BRINP2: variants seen among roughly 807,000 people sequenced by gnomAD.
The protein encoded by BRINP2 is BMP/retinoic acid inducible neural specific 2, also known as BMP/retinoic acid-inducible neural-specific protein 2.
BRINP2 carries 21 observed loss-of-function variants against 69.2 expected under a neutral mutation model. That is an observed-to-expected ratio of 0.30 (90% CI 0.22 to 0.44). BRINP2 has a LOEUF of 0.44. Among genes scored for constraint, BRINP2 ranks in the 20% least tolerant of loss-of-function variants. The pLI is 1.00. For missense variants in BRINP2, 877 were observed against 986.0 expected, an observed-to-expected ratio of 0.89 and a Z score of 1.48; for synonymous variants, 380 against 394.1, an observed-to-expected ratio of 0.96 and a Z score of 0.42.
At chr1:177,267,491 C>T (rs1651165713) in intron 4 of BRINP2, among the ~76,000 whole-genome samples, 1 of 152,152 alleles carries the variant, frequency 6.6e-6, no homozygotes, top group Non-Finnish European at 1.5e-5. Flanking sequence ...TTGGTCAATG[C>T]CACCATGGCA....
Position 177,281,131 on chromosome 1 carries a change from C to G in BRINP2, c.1955C>G (p.Ser652Cys), listed in dbSNP as rs372116341. The G allele has an allele frequency of 7.8e-5, 126 of 1,614,078 alleles. No individual in the cohort carries two copies. The highest frequency in any genetic ancestry group is 1.6e-4 in the Middle Eastern group (1 of 6,084). Residue 652 changes from serine (S) to cysteine (C), a missense_variant, in exon 8 of 8, where the codon TCC becomes TGC. This residue lies in a region of BRINP2 where 225 missense variants were observed against 218.7 expected (regional missense o/e 1.03). Coordinates refer to ENST00000361539, the MANE Select transcript of BRINP2 (RefSeq NM_021165.4). ...GTTTACCTACGGAGCCGAATCAAGTCCCTGGATGACAGCTCCAATGAGACA... is the reference window on the plus strand; with the variant it reads ...GTTTACCTACGGAGCCGAATCAAGTGCCTGGATGACAGCTCCAATGAGACA... ...VHVYLRSRIK[S>C]LDDSSNETIY...
chr1:177,280,664 C>T lies in BRINP2; in HGVS notation c.1488C>T (p.Ala496=), dbSNP rs1335101216. The change falls in exon 8 of 8, where the codon GCC becomes GCT. Residue 496 remains alanine (A), a synonymous_variant. Transcript: ENST00000361539. ...AGGGGCTGTGCCGGCCAGAGGTGGC[C>T]GAGTCCCTGGAAAACTTTCTTGGGC... ...LAQGLCRPEV[A]ESLENFLGLE... is the part of the protein sequence containing the mutation. 9.3e-6 allele frequency: 15 copies of T among 1,614,068 alleles called. No homozygotes were observed. Among genetic ancestry groups the T allele is most frequent in the South Asian group, 3.3e-5 (3 of 91,070 alleles).
chr1:177,185,537 T>A (rs1019307239), intron 1 of BRINP2, among the ~76,000 whole-genome samples: 2 of 152,228 alleles, frequency 1.3e-5, no homozygotes, highest in Non-Finnish European at 2.9e-5. Context: ...TGGGATATCT[T>A]ACAGCCTGGA....
At chr1:177,205,329 CAG>C (rs1649041961) in intron 1 of BRINP2, among the ~76,000 whole-genome samples, 1 of 152,110 alleles carries the variant, frequency 6.6e-6, no homozygotes, top group South Asian at 2.1e-4. Flanking sequence ...TTAGTAGAGA[CAG>C]AGTTTCGCCA....
intron 4 of BRINP2, among the ~76,000 whole-genome samples, chr1:177,263,507 T>C (rs1651024291): frequency 6.6e-6 from 1 of 152,110 alleles, no homozygotes; most frequent in South Asian, 2.1e-4. Flanking sequence ...GGAAATGAGA[T>C]GGCCACTGCT....
chr1:177,278,788 GAGCACCCCCTGGCTGCTAC>G lies in BRINP2; in HGVS notation c.1235+7_1235+25del, dbSNP rs1651594087. 6.2e-7 allele frequency: 1 copy of G among 1,613,672 alleles called. No homozygotes were observed. The stretch of plus-strand genomic sequence containing the variant: ...CGCTTCCGCCTGCCCAAGGAGAGGT[GAGCACCCCCTGGCTGCTAC>G]AGCCAGAGCTCAGCACCTCCCCTGA... On this transcript the variant is annotated splice_donor_5th_base_variant and intron_variant, in intron 7 of 7. Coordinates refer to ENST00000361539, the MANE Select transcript of BRINP2 (RefSeq NM_021165.4).
rs1031086708 is a variant in BRINP2, at chr1:177,176,397, A to G, written c.-77+4665A>G. 2.6e-5 allele frequency among the ~76,000 whole-genome samples: 4 copies of G among 152,188 alleles called. No individual in the cohort carries two copies. The South Asian group carries it at 8.3e-4, about 31-fold the overall frequency. On this transcript the variant is annotated intron_variant, in intron 1 of 7. Coordinates refer to ENST00000361539, the MANE Select transcript of BRINP2 (RefSeq NM_021165.4). ...TTTTAATCTTCATTACATGTTAAAAAGATAATATTCTGAATACATTGAGTT... is the reference window on the plus strand; with the variant it reads ...TTTTAATCTTCATTACATGTTAAAAGGATAATATTCTGAATACATTGAGTT...
Position 177,219,846 on chromosome 1 carries a change from C to G in BRINP2, c.-76-9955C>G, listed in dbSNP as rs74969740. 4.4e-3 allele frequency among the ~76,000 whole-genome samples: 676 copies of G among 152,272 alleles called. 6 individuals are homozygous for G. The highest frequency in any genetic ancestry group is 0.015 in the African/African-American group (610 of 41,558). On this transcript the variant is annotated intron_variant, in intron 1 of 7. Coordinates refer to ENST00000361539, the MANE Select transcript of BRINP2 (RefSeq NM_021165.4). ...TTGGCTTGGGTTTATTTTGGCTTCC[C>G]GGGCCTTAAACCACCCTATGTATAT...
intron 1 of BRINP2, among the ~76,000 whole-genome samples, chr1:177,229,533 A>T (rs1649798748): frequency 6.6e-6 from 1 of 152,240 alleles, no homozygotes; most frequent in African/African-American, 2.4e-5. Flanking sequence ...ACCACTTAAT[A>T]GCTGTGTGAA....
intron 4 of BRINP2, among the ~76,000 whole-genome samples, chr1:177,260,008 A>G (rs528183838): frequency 6.6e-6 from 1 of 152,318 alleles, no homozygotes; most frequent in African/African-American, 2.4e-5. Flanking sequence ...AAAGGCTGCC[A>G]TAGATAGTGA....
intron 2 of BRINP2, among the ~76,000 whole-genome samples, chr1:177,230,510 T>G (rs1404444278): frequency 6.6e-6 from 1 of 152,196 alleles, no homozygotes; most frequent in Non-Finnish European, 1.5e-5. Context: ...TTTTAACTAA[T>G]GGGTTAGTTA....
chr1:177,258,806 G>A (rs1255018664), intron 4 of BRINP2, among the ~76,000 whole-genome samples: 3 of 152,178 alleles, frequency 2.0e-5, no homozygotes, highest in African/African-American at 7.2e-5. Flanking sequence ...GCACCCATAT[G>A]TGATAACAAA....
At chr1:177,219,150 G>A (rs1350470505) in intron 1 of BRINP2, among the ~76,000 whole-genome samples, 1 of 152,216 alleles carries the variant, frequency 6.6e-6, no homozygotes, top group Admixed American at 6.5e-5. Context: ...TAGAAATGAT[G>A]CTTTGTGGTC....
At position 177,230,366 on chromosome 1, in the gene BRINP2, C is replaced by A. The variant is rs568898308; in HGVS notation, c.269+221C>A. On this transcript the variant is annotated intron_variant, in intron 2 of 7. Coordinates refer to ENST00000361539, the MANE Select transcript of BRINP2 (RefSeq NM_021165.4). Reference sequence around the variant, plus strand: ...CACAAGCTGGAAAACCTGCTGATACCTCCTGGGGAACTTAGCAAAAGGGTT... The same window carrying A: ...CACAAGCTGGAAAACCTGCTGATACATCCTGGGGAACTTAGCAAAAGGGTT... Among the ~76,000 whole-genome samples the A allele has an allele frequency of 2.6e-5, 4 of 152,298 alleles. No homozygotes were observed. In the South Asian group the frequency reaches 6.2e-4, roughly 24 times the overall value.
chr1:177,182,315 T>TGACTAATACCTTAA (rs879809505), intron 1 of BRINP2, among the ~76,000 whole-genome samples: 8 of 152,098 alleles, frequency 5.3e-5, no homozygotes, highest in Admixed American at 5.2e-4. Context: ...TGTTAAGGTA[T>TGACTAATACCTTAA]TAATGACTAA....
intron 2 of BRINP2, among the ~76,000 whole-genome samples, chr1:177,230,643 C>T (rs886471267): frequency 1.3e-5 from 2 of 152,246 alleles, no homozygotes; most frequent in African/African-American, 4.8e-5. Flanking sequence ...TGTCAACACC[C>T]CAGGCTCCGC....
intron 1 of BRINP2, among the ~76,000 whole-genome samples, chr1:177,183,079 AG>A (rs1224692943): frequency 1.4e-5 from 2 of 143,552 alleles, no homozygotes; most frequent in African/African-American, 2.6e-5. Flanking sequence ...CCAGCCTCCT[AG>A]GCATGGTTGG....
intron 4 of BRINP2, among the ~76,000 whole-genome samples, chr1:177,257,808 C>G (rs1650818793): frequency 6.6e-6 from 1 of 152,194 alleles, no homozygotes. Context: ...AGACTTTGAG[C>G]TCTGAATGAT....
chr1:177,195,098 T>C (rs1204199298), intron 1 of BRINP2, among the ~76,000 whole-genome samples: 1 of 152,176 alleles, frequency 6.6e-6, no homozygotes, highest in Admixed American at 6.5e-5. Flanking sequence ...CCAGAGTTTT[T>C]TCTAAACAAA....
Sources: gnomAD v4.1 joint callset for allele counts (sites outside exome capture counted in the v4.1 genomes callset) on GRCh38, gnomAD v4.1.1 for gene constraint, gnomAD v4.1.1 regional missense constraint, MANE v1.5 for transcripts, NCBI Gene and HGNC (gene_info 2026-07-23, HGNC 2026-07-21) for gene names.